The following AGBL4 variants were observed in gnomAD, a reference collection of about 807,000 sequenced individuals.
The protein encoded by AGBL4 is AGBL carboxypeptidase 4.
A neutral mutation model predicts 66.4 loss-of-function variants in AGBL4; 58 were observed. That is an observed-to-expected ratio of 0.87 (90% CI 0.71 to 1.09). The LOEUF is 1.09. Ranked by LOEUF, AGBL4 falls within the 50% of genes least tolerant of loss-of-function variation. The pLI, the probability that AGBL4 is intolerant of heterozygous loss-of-function variation, is 0.00. For synonymous variants in AGBL4, 234 were observed against 222.9 expected (o/e 1.05, Z -0.44); for missense variants, 579 against 631.0 (o/e 0.92, Z 0.88).
At chr1:49,183,572 T>G (rs1402627215) in intron 4 of AGBL4, among the ~76,000 whole-genome samples, 4 of 152,148 alleles carry the variant, frequency 2.6e-5, no homozygotes, top group Non-Finnish European at 5.9e-5. Context: ...CCAAAGCTCC[T>G]CATCATCTAT....
intron 4 of AGBL4, among the ~76,000 whole-genome samples, chr1:49,072,787 C>T (rs963327607): frequency 1.3e-5 from 2 of 152,168 alleles, no homozygotes; most frequent in Admixed American, 1.3e-4. Context: ...GAATGTTGGC[C>T]TGCCTTGCTA....
At chr1:48,613,812 C>A (rs967126547) in intron 9 of AGBL4, among the ~76,000 whole-genome samples, 6 of 152,162 alleles carry the variant, frequency 3.9e-5, no homozygotes, top group African/African-American at 1.4e-4. Context: ...GGTAACCTAC[C>A]AAGATATTGG....
At chr1:49,205,516 G>T (rs189844699) in intron 4 of AGBL4, among the ~76,000 whole-genome samples, 2 of 152,040 alleles carry the variant, frequency 1.3e-5, no homozygotes, top group African/African-American at 2.4e-5. Context: ...TGGACCCTGG[G>T]TTGGTCTCAC....
At chr1:49,654,719 T>C (rs1646084481) in intron 3 of AGBL4, among the ~76,000 whole-genome samples, 1 of 152,214 alleles carries the variant, frequency 6.6e-6, no homozygotes, top group South Asian at 2.1e-4. Context: ...GTTTAAAGTC[T>C]GTTTTATCAG....
chr1:48,935,414 C>G (rs1411651489), intron 5 of AGBL4, among the ~76,000 whole-genome samples: 2 of 152,136 alleles, frequency 1.3e-5, no homozygotes, highest in East Asian at 3.9e-4. Context: ...AAACAGCATA[C>G]ACTCAGTTCT....
intron 2 of AGBL4, among the ~76,000 whole-genome samples, chr1:49,759,904 A>G (rs1199218157): frequency 6.6e-6 from 1 of 152,220 alleles, no homozygotes; most frequent in Admixed American, 6.5e-5. Context: ...TCAAGGCTAG[A>G]TAAATCCATA....
intron 4 of AGBL4, among the ~76,000 whole-genome samples, chr1:49,222,705 A>G (rs889639978): frequency 3.9e-5 from 6 of 152,226 alleles, no homozygotes; most frequent in Non-Finnish European, 8.8e-5. Flanking sequence ...GTCCAAATGC[A>G]TGGCTTCCTT....
chr1:48,742,438 G>A (rs1206828610), intron 6 of AGBL4, among the ~76,000 whole-genome samples: 1 of 152,046 alleles, frequency 6.6e-6, no homozygotes, highest in Non-Finnish European at 1.5e-5. Flanking sequence ...AAAGGAAGAA[G>A]GAAGAGAAAA....
intron 2 of AGBL4, among the ~76,000 whole-genome samples, chr1:49,714,569 C>CATATATATATAT (rs60965691): frequency 0.012 from 1,638 of 141,742 alleles, 32 homozygotes; most frequent in African/African-American, 0.038. Context: ...GTAGTATTTA[C>CATATATATATAT]ATATATATAT....
chr1:49,012,017 A>T (rs1662467137), intron 5 of AGBL4, among the ~76,000 whole-genome samples: 1 of 151,812 alleles, frequency 6.6e-6, no homozygotes, highest in African/African-American at 2.4e-5. Flanking sequence ...TGTACCCTAA[A>T]ACTTAAAATA....
At chr1:49,474,710 G>A (rs1173582933) in intron 3 of AGBL4, among the ~76,000 whole-genome samples, 3 of 152,072 alleles carry the variant, frequency 2.0e-5, no homozygotes, top group East Asian at 3.9e-4. Flanking sequence ...AATCTTCAGG[G>A]TTTTATAGGT....
At chr1:48,566,348 C>T (rs1644475423) in intron 11 of AGBL4, among the ~76,000 whole-genome samples, 1 of 152,190 alleles carries the variant, frequency 6.6e-6, no homozygotes, top group East Asian at 1.9e-4. Flanking sequence ...ATTTCAATAT[C>T]AATAGAGCTG....
chr1:49,302,596 TTTTA>T (rs1644767862), intron 3 of AGBL4, among the ~76,000 whole-genome samples: 1 of 127,556 alleles, frequency 7.8e-6, no homozygotes, highest in East Asian at 2.0e-4. Flanking sequence ...TTATTTTATA[TTTTA>T]TTTTATTTTT....
At chr1:48,832,681 G>A (rs899047702) in intron 6 of AGBL4, among the ~76,000 whole-genome samples, 1 of 152,154 alleles carries the variant, frequency 6.6e-6, no homozygotes, top group Non-Finnish European at 1.5e-5. Flanking sequence ...GCCTATGTGG[G>A]TGTTTCTGGA....
intron 5 of AGBL4, among the ~76,000 whole-genome samples, chr1:48,915,025 ACT>A (rs1653465737): frequency 1.3e-5 from 2 of 152,246 alleles, no homozygotes; most frequent in Non-Finnish European, 2.9e-5. Flanking sequence ...TGTAAAGCAG[ACT>A]GATTCGTCCG....
intron 1 of AGBL4, among the ~76,000 whole-genome samples, chr1:49,900,357 T>C (rs1253685306): frequency 1.3e-5 from 2 of 152,074 alleles, no homozygotes; most frequent in Non-Finnish European, 2.9e-5. Context: ...GCGATTCTCC[T>C]GCCTCAACCT....
chr1:48,910,881 A>G (rs933014479), intron 5 of AGBL4, among the ~76,000 whole-genome samples: 1 of 152,204 alleles, frequency 6.6e-6, no homozygotes, highest in African/African-American at 2.4e-5. Context: ...CACATTAGTA[A>G]AAACATTCCT....
intron 6 of AGBL4, among the ~76,000 whole-genome samples, chr1:48,684,290 G>T (rs1431611822): frequency 6.6e-6 from 1 of 152,240 alleles, no homozygotes; most frequent in African/African-American, 2.4e-5. Context: ...GAGAAAGCTT[G>T]CCAAAGAGGT....
chr1:49,575,148 G>C (rs1644411175), intron 3 of AGBL4, among the ~76,000 whole-genome samples: 1 of 152,176 alleles, frequency 6.6e-6, no homozygotes, highest in African/African-American at 2.4e-5. Context: ...AGACATTTTA[G>C]GGACTACTGG....
Sources: gnomAD v4.1 joint callset for allele counts (sites outside exome capture counted in the v4.1 genomes callset) on GRCh38, gnomAD v4.1.1 for gene constraint, MANE v1.5 for transcripts, NCBI Gene and HGNC (gene_info 2026-07-23, HGNC 2026-07-21) for gene names.